FERRY3: variants seen among roughly 807,000 people sequenced by gnomAD.
FERRY3 encodes the protein protein C12orf4.
chr12:4,504,270 G>A, the FERRY3 span, among the ~76,000 whole-genome samples: 1 of 152,200 alleles, frequency 6.6e-6, no homozygotes, highest in Non-Finnish European at 1.5e-5. Flanking sequence ...GGAAGAAAAT[G>A]TGAGAAAATT....
the FERRY3 span, among the ~76,000 whole-genome samples, chr12:4,536,957 C>A: frequency 6.6e-6 from 1 of 152,190 alleles, no homozygotes; most frequent in Non-Finnish European, 1.5e-5. Context: ...AAGGAATATA[C>A]TTATCTGATC....
At chr12:4,493,297 T>C in the FERRY3 span, among the ~76,000 whole-genome samples, 2 of 152,230 alleles carry the variant, frequency 1.3e-5, no homozygotes, top group Non-Finnish European at 2.9e-5. Flanking sequence ...TCTCTGAAGG[T>C]AGAAGCCACT....
chr12:4,524,454 A>G, the FERRY3 span, among the ~76,000 whole-genome samples: 3 of 152,008 alleles, frequency 2.0e-5, no homozygotes, highest in Non-Finnish European at 4.4e-5. Flanking sequence ...ATTTTTACTG[A>G]GCATGTCTTA....
chr12:4,511,271 A>T, the FERRY3 span, among the ~76,000 whole-genome samples: 1 of 151,052 alleles, frequency 6.6e-6, no homozygotes, highest in Non-Finnish European at 1.5e-5. Flanking sequence ...AGAGACTTAG[A>T]CTCCCACACA....
At chr12:4,536,315 T>C in the FERRY3 span, 1 of 645,708 alleles carries the variant, frequency 1.5e-6, no homozygotes, top group Non-Finnish European at 2.3e-6. Context: ...TCAAGAGATT[T>C]TGTCTATGAG....
chr12:4,518,777 A>C, the FERRY3 span: 1 of 1,544,418 alleles, frequency 6.5e-7, no homozygotes. Context: ...CACTTACCTA[A>C]GTGAATGGTA....
the FERRY3 span, among the ~76,000 whole-genome samples, chr12:4,531,563 T>A: frequency 6.6e-6 from 1 of 152,146 alleles, no homozygotes; most frequent in African/African-American, 2.4e-5. Context: ...TCAGGACAGA[T>A]GCTACTAGAA....
chr12:4,518,107 C>T, the FERRY3 span: 1 of 1,613,798 alleles, frequency 6.2e-7, no homozygotes, highest in Non-Finnish European at 8.5e-7. Flanking sequence ...CTAGTAAAAC[C>T]AGGCCACAGA....
chr12:4,491,071 A>G, the FERRY3 span: 1 of 943,906 alleles, frequency 1.1e-6, no homozygotes, highest in African/African-American at 1.6e-5. Flanking sequence ...TAACTGAGGC[A>G]CTAGATTACA....
At chr12:4,506,358 A>C in the FERRY3 span, among the ~76,000 whole-genome samples, 2 of 152,326 alleles carry the variant, frequency 1.3e-5, no homozygotes, top group Admixed American at 1.3e-4. Flanking sequence ...GATCTGAATA[A>C]AAGTAACAAT....
the FERRY3 span, among the ~76,000 whole-genome samples, chr12:4,523,113 A>G: frequency 6.6e-6 from 1 of 152,214 alleles, no homozygotes; most frequent in South Asian, 2.1e-4. Context: ...ACCTGACTTT[A>G]AAGAAAAATA....
chr12:4,530,164 T>TTA, the FERRY3 span: 94 of 867,710 alleles, frequency 1.1e-4, no homozygotes, highest in Admixed American at 2.4e-4. Context: ...AAAGACCCTC[T>TTA]TATATATATA....
the FERRY3 span, chr12:4,529,764 TTTTC>T: frequency 1.0e-6 from 1 of 1,000,470 alleles, no homozygotes; most frequent in Admixed American, 3.0e-5. Context: ...TGAAGTTTTT[TTTTC>T]TATCTTATCC....
the FERRY3 span, chr12:4,529,776 T>C: frequency 1.9e-5 from 21 of 1,107,348 alleles, no homozygotes; most frequent in East Asian, 4.5e-4. Context: ...TTCTATCTTA[T>C]CCTTTTTGTA....
the FERRY3 span, chr12:4,505,530 G>A: frequency 1.6e-6 from 1 of 615,900 alleles, no homozygotes; most frequent in Non-Finnish European, 2.9e-6. Flanking sequence ...CATGGATGAT[G>A]TCATTTAATT....
At chr12:4,492,827 G>A in the FERRY3 span, among the ~76,000 whole-genome samples, 1 of 152,052 alleles carries the variant, frequency 6.6e-6, no homozygotes, top group Non-Finnish European at 1.5e-5. Context: ...GCTTCCTACT[G>A]TCTCACACAT....
the FERRY3 span, among the ~76,000 whole-genome samples, chr12:4,520,489 G>C: frequency 6.6e-6 from 1 of 152,220 alleles, no homozygotes; most frequent in South Asian, 2.1e-4. Context: ...GCATGCGAAG[G>C]CTGCTGAAAG....
At chr12:4,500,016 C>A in the FERRY3 span, 3 of 867,416 alleles carry the variant, frequency 3.5e-6, no homozygotes, top group Non-Finnish European at 5.3e-6. Flanking sequence ...CTAACCAGAT[C>A]GGAGATGCAA....
At chr12:4,520,557 A>G in the FERRY3 span, among the ~76,000 whole-genome samples, 1,043 of 152,344 alleles carry the variant, frequency 6.8e-3, 11 homozygotes, top group Non-Finnish European at 0.011. Flanking sequence ...GTGCCGTTCT[A>G]AGCACAAAGT....
Sources: gnomAD v4.1 joint callset for allele counts (sites outside exome capture counted in the v4.1 genomes callset) on GRCh38, gnomAD v4.1.1 for gene constraint, MANE v1.5 for transcripts, NCBI Gene and HGNC (gene_info 2026-07-23, HGNC 2026-07-21) for gene names.